Variants in XKR9 observed in about 807,000 individuals in gnomAD.
XKR9 encodes the protein XK related 9, also known as XK-related protein 9.
In XKR9, 32 loss-of-function variants were observed where a neutral mutation model predicts 32.0. The ratio of observed to expected loss-of-function variants is 1.00; its 90% CI spans 0.76 to 1.34. The LOEUF (loss-of-function observed/expected upper bound fraction) is 1.34. Among genes scored for constraint, XKR9 ranks in the 40% most tolerant of loss-of-function variants. XKR9 has a pLI of 0.00. For missense variants in XKR9, 546 were observed against 429.7 expected (o/e 1.27, Z -2.39); for synonymous variants, 168 against 143.4 (o/e 1.17, Z -1.22).
At chr8:71,041,009 T>G in the XKR9 span, among the ~76,000 whole-genome samples, 1 of 152,184 alleles carries the variant, frequency 6.6e-6, no homozygotes, top group South Asian at 2.1e-4. Flanking sequence ...TTAATACTGC[T>G]TGATATATGA....
At chr8:70,790,275 T>G (rs1807748083) in exon 4 of XKR9, 1 of 152,030 alleles carries the variant, frequency 6.6e-6, no homozygotes, top group Admixed American at 6.6e-5. Flanking sequence ...GGGAACAAGT[T>G]GAAAGTAGGT....
the XKR9 span, among the ~76,000 whole-genome samples, chr8:70,996,737 A>G: frequency 6.6e-6 from 1 of 152,294 alleles, no homozygotes; most frequent in Non-Finnish European, 1.5e-5. Flanking sequence ...AGACAAAAGG[A>G]GGTCACTGTC....
intron 3 of XKR9, among the ~76,000 whole-genome samples, chr8:70,686,483 G>T (rs1819283670): frequency 6.6e-6 from 1 of 151,340 alleles, no homozygotes; most frequent in Non-Finnish European, 1.5e-5. Context: ...TTGCTCTGTT[G>T]CCCAGGCTGG....
intron 2 of XKR9, among the ~76,000 whole-genome samples, chr8:70,755,243 A>G (rs1807203290): frequency 6.6e-6 from 1 of 152,336 alleles, no homozygotes; most frequent in African/African-American, 2.4e-5. Context: ...GGCAATCATT[A>G]AAAAGTCAGG....
chr8:70,944,258 T>C, the XKR9 span, among the ~76,000 whole-genome samples: 5 of 152,310 alleles, frequency 3.3e-5, no homozygotes, highest in Admixed American at 1.3e-4. Flanking sequence ...TTATAAGCAA[T>C]TGATATCTCA....
downstream of XKR9, among the ~76,000 whole-genome samples, chr8:70,739,869 A>G (rs1388990373): frequency 6.6e-6 from 1 of 152,160 alleles, no homozygotes. Context: ...CTTTGTGGGT[A>G]ACCCAACCTT....
chr8:71,049,734 C>T, the XKR9 span, among the ~76,000 whole-genome samples: 2 of 151,992 alleles, frequency 1.3e-5, no homozygotes. Flanking sequence ...GGAGGAGACT[C>T]GTGTGAGGTC....
At chr8:71,017,957 C>T in the XKR9 span, among the ~76,000 whole-genome samples, 1 of 152,142 alleles carries the variant, frequency 6.6e-6, no homozygotes. Context: ...AATAGGCTTT[C>T]AGGTTTGAGA....
the XKR9 span, among the ~76,000 whole-genome samples, chr8:70,922,447 A>G: frequency 1.3e-5 from 2 of 152,234 alleles, no homozygotes; most frequent in Admixed American, 6.5e-5. Flanking sequence ...ATAATTACCT[A>G]CTGTGCTAAT....
the XKR9 span, among the ~76,000 whole-genome samples, chr8:70,880,015 T>C: frequency 6.6e-6 from 1 of 152,034 alleles, no homozygotes; most frequent in Admixed American, 6.6e-5. Context: ...ACAGAACCAA[T>C]GACAAAGCCA....
intron 3 of XKR9, chr8:70,790,026 C>T (rs965567392): frequency 1.3e-5 from 2 of 151,620 alleles, no homozygotes; most frequent in African/African-American, 4.8e-5. Flanking sequence ...CTCATTGTCC[C>T]AGTCACCTTT....
chr8:70,931,017 T>C, the XKR9 span, among the ~76,000 whole-genome samples: 2 of 152,152 alleles, frequency 1.3e-5, no homozygotes, highest in African/African-American at 2.4e-5. Flanking sequence ...CTGGGCAAAT[T>C]GTTAATTACT....
intron 3 of XKR9, among the ~76,000 whole-genome samples, chr8:70,687,790 A>G (rs1233068632): frequency 6.6e-6 from 1 of 152,116 alleles, no homozygotes; most frequent in Non-Finnish European, 1.5e-5. Flanking sequence ...TTTTAATTTA[A>G]TTCTTTTGTG....
At chr8:70,937,310 G>A in the XKR9 span, among the ~76,000 whole-genome samples, 6 of 152,048 alleles carry the variant, frequency 3.9e-5, no homozygotes, top group South Asian at 1.0e-3. Flanking sequence ...TCACATACTA[G>A]GCAAAATAAA....
intron 4 of XKR9, among the ~76,000 whole-genome samples, chr8:70,732,717 T>C (rs1423313768): frequency 6.6e-6 from 1 of 152,208 alleles, no homozygotes; most frequent in African/African-American, 2.4e-5. Flanking sequence ...GGTACAGTGG[T>C]GTATGCTAAA....
the XKR9 span, among the ~76,000 whole-genome samples, chr8:70,869,963 T>A: frequency 6.6e-6 from 1 of 152,208 alleles, no homozygotes; most frequent in Non-Finnish European, 1.5e-5. Context: ...TTTTGTTTTA[T>A]CCTCTTTCTA....
the XKR9 span, among the ~76,000 whole-genome samples, chr8:70,982,757 A>C: frequency 6.6e-6 from 1 of 152,176 alleles, no homozygotes; most frequent in African/African-American, 2.4e-5. Context: ...GCAAAATTTC[A>C]GGATGTGAGT....
At chr8:70,972,833 G>T in the XKR9 span, among the ~76,000 whole-genome samples, 3 of 151,974 alleles carry the variant, frequency 2.0e-5, no homozygotes, top group Non-Finnish European at 4.4e-5. Flanking sequence ...ATGGTGGATC[G>T]TCTTTTTGAT....
intron 4 of XKR9, among the ~76,000 whole-genome samples, chr8:70,707,675 T>C (rs1805768232): frequency 6.6e-6 from 1 of 152,064 alleles, no homozygotes; most frequent in African/African-American, 2.4e-5. Flanking sequence ...ATCACTTGCA[T>C]GTAAAAAGTA....
Sources: allele counts gnomAD v4.1 joint callset (sites outside exome capture counted in the v4.1 genomes callset), GRCh38; gene constraint gnomAD v4.1.1; transcripts MANE v1.5; gene names NCBI Gene and HGNC (gene_info 2026-07-23, HGNC 2026-07-21).